Variants in RBFOX1 observed in about 807,000 individuals in gnomAD.
RBFOX1 encodes the protein RNA binding protein fox-1 homolog 1.
A neutral mutation model predicts 57.7 loss-of-function variants in RBFOX1; 8 were observed. The observed-to-expected ratio is 0.14, with a 90% CI of 0.08 to 0.25. The LOEUF is 0.25. RBFOX1 is among the 10% of genes least tolerant of loss of function. RBFOX1 has a pLI of 1.00. For missense variants in RBFOX1, 611 were observed against 548.5 expected (o/e 1.11, Z -1.14); for synonymous variants, 326 against 222.4 (o/e 1.47, Z -4.15).
intron 3 of RBFOX1, among the ~76,000 whole-genome samples, chr16:6,969,519 G>C (rs1320145333): frequency 6.6e-6 from 1 of 152,014 alleles, no homozygotes; most frequent in Non-Finnish European, 1.5e-5. Context: ...TGGATCGATT[G>C]AGCTCGGGAG....
chr16:5,629,353 C>G, intron 3 of RBFOX1, among the ~76,000 whole-genome samples: 1 of 152,114 alleles, frequency 6.6e-6, no homozygotes, highest in East Asian at 1.9e-4. Flanking sequence ...AAGAGCAGAC[C>G]CAGCTATAAA....
chr16:6,571,690 A>G (rs943232788), intron 2 of RBFOX1, among the ~76,000 whole-genome samples: 9 of 152,186 alleles, frequency 5.9e-5, no homozygotes, highest in Admixed American at 2.6e-4. Context: ...GATCCATTGA[A>G]TAGAGCAAAA....
At chr16:6,967,888 G>T (rs1035742343) in intron 3 of RBFOX1, among the ~76,000 whole-genome samples, 13 of 152,104 alleles carry the variant, frequency 8.5e-5, no homozygotes, top group African/African-American at 2.4e-4. Context: ...GAAAAAAGAT[G>T]CCCCAAATCA....
intron 1 of RBFOX1, among the ~76,000 whole-genome samples, chr16:5,257,114 T>C (rs1426096909): frequency 1.3e-5 from 2 of 151,970 alleles, no homozygotes; most frequent in Non-Finnish European, 2.9e-5. Flanking sequence ...GGGAGCCACT[T>C]TGGGTTCTTT....
At chr16:6,927,479 A>G (rs1203166641) in intron 3 of RBFOX1, among the ~76,000 whole-genome samples, 1 of 146,124 alleles carries the variant, frequency 6.8e-6, no homozygotes, top group Admixed American at 6.9e-5. Flanking sequence ...ATTATTTTCA[A>G]AAATGTTTCC....
intron 3 of RBFOX1, among the ~76,000 whole-genome samples, chr16:5,786,846 T>C (rs902205480): frequency 6.6e-6 from 1 of 152,012 alleles, no homozygotes; most frequent in African/African-American, 2.4e-5. Flanking sequence ...GTCTGAAAGG[T>C]AGAATGAAGC....
At chr16:6,391,805 A>G (rs765633776) in intron 2 of RBFOX1, among the ~76,000 whole-genome samples, 1 of 152,118 alleles carries the variant, frequency 6.6e-6, no homozygotes, top group South Asian at 2.1e-4. Flanking sequence ...CAAATAGGAT[A>G]CCCCTCCCAT....
At chr16:6,684,891 T>C (rs913239583) in intron 3 of RBFOX1, among the ~76,000 whole-genome samples, 1 of 152,232 alleles carries the variant, frequency 6.6e-6, no homozygotes, top group African/African-American at 2.4e-5. Flanking sequence ...GCATGTTCTC[T>C]ATACATACGA....
At chr16:5,243,389 G>A (rs923514624) in intron 1 of RBFOX1, among the ~76,000 whole-genome samples, 2 of 152,170 alleles carry the variant, frequency 1.3e-5, no homozygotes, top group Admixed American at 1.3e-4. Context: ...TCAGCCTGGG[G>A]CTCCTGTAGA....
intron 3 of RBFOX1, among the ~76,000 whole-genome samples, chr16:5,771,011 G>T (rs1426096504): frequency 6.6e-6 from 1 of 152,220 alleles, no homozygotes; most frequent in Non-Finnish European, 1.5e-5. Context: ...CAAACGAGCA[G>T]TGTTGGCATC....
rs917131996 is a variant in RBFOX1, at chr16:5,832,962, A to G, written c.319-34341A>G. Among the ~76,000 whole-genome samples the G allele has an allele frequency of 9.8e-5, 15 of 152,328 alleles. No individual in the cohort carries two copies. In the South Asian group the frequency reaches 2.5e-3, roughly 25 times the overall value. Reference sequence around the variant, plus strand: ...AAAGATATTCACCAATGGTGATTTCATCCCTTTTTGGGCCACAGGTGTTTT... The same window carrying G: ...AAAGATATTCACCAATGGTGATTTCGTCCCTTTTTGGGCCACAGGTGTTTT... On this transcript the variant is annotated intron_variant, in intron 3 of 19. Coordinates refer to the RBFOX1 transcript ENST00000641259.
chr16:7,144,060 G>C (rs898535161), intron 4 of RBFOX1, among the ~76,000 whole-genome samples: 5 of 152,190 alleles, frequency 3.3e-5, no homozygotes, highest in Non-Finnish European at 7.4e-5. Flanking sequence ...GTTTCGGGTT[G>C]ATGTGTCTGT....
intron 1 of RBFOX1, among the ~76,000 whole-genome samples, chr16:6,226,946 T>TAAAAAAAAA (rs573474385): frequency 2.0e-5 from 2 of 101,042 alleles, no homozygotes; most frequent in Admixed American, 1.1e-4. Flanking sequence ...CCATCTCTAC[T>TAAAAAAAAA]AAAAAAAAAA....
intron 3 of RBFOX1, among the ~76,000 whole-genome samples, chr16:5,862,035 CTGGCCGAGG>C (rs1005867457): frequency 2.6e-5 from 4 of 152,188 alleles, no homozygotes; most frequent in African/African-American, 9.7e-5. Flanking sequence ...TTCTCTGTGT[CTGGCCGAGG>C]TGTCCTTACA....
chr16:7,186,140 C>T (rs1033695744), intron 4 of RBFOX1, among the ~76,000 whole-genome samples: 13 of 151,152 alleles, frequency 8.6e-5, no homozygotes, highest in Non-Finnish European at 1.6e-4. Context: ...AAGGAGATTC[C>T]TAGATATCAT....
At chr16:7,033,146 C>G (rs1386382663) in intron 3 of RBFOX1, among the ~76,000 whole-genome samples, 1 of 152,124 alleles carries the variant, frequency 6.6e-6, no homozygotes. Context: ...GTGCAGTAAG[C>G]AGGTTCTGAT....
chr16:7,054,220 G>GC (rs1304053909), intron 4 of RBFOX1, among the ~76,000 whole-genome samples: 2 of 105,492 alleles, frequency 1.9e-5, no homozygotes, highest in African/African-American at 7.1e-5. Flanking sequence ...TTTCGGGGGG[G>GC]GGGGGCGGGG....
intron 1 of RBFOX1, among the ~76,000 whole-genome samples, chr16:5,274,963 C>T (rs200648874): frequency 6.6e-6 from 1 of 152,210 alleles, no homozygotes; most frequent in East Asian, 1.9e-4. Context: ...ACCTCATGTA[C>T]TAAGACCGGA....
intron 1 of RBFOX1, among the ~76,000 whole-genome samples, chr16:5,423,835 C>T (rs554534019): frequency 5.9e-5 from 9 of 152,230 alleles, no homozygotes; most frequent in Admixed American, 6.5e-5. Flanking sequence ...TTGTTGTCTT[C>T]TCGAGCTCCA....
Sources: allele counts gnomAD v4.1 joint callset (sites outside exome capture counted in the v4.1 genomes callset), GRCh38; gene constraint gnomAD v4.1.1; transcripts MANE v1.5; gene names NCBI Gene and HGNC (gene_info 2026-07-23, HGNC 2026-07-21).